The following PGM1 variants were observed in gnomAD, a reference collection of about 807,000 sequenced individuals.
PGM1 encodes phosphoglucomutase 1, also known as phosphoglucomutase-1.
Under a neutral mutation model 55.6 loss-of-function variants are expected in PGM1, and 52 were observed. The observed-to-expected ratio is 0.94, with a 90% CI of 0.75 to 1.18. The LOEUF is 1.18. Ranked by LOEUF, PGM1 falls within the 50% of genes most tolerant of loss-of-function variation. The probability of loss-of-function intolerance (pLI) is 0.00; values close to 1 mark genes in which losing one functional copy is unlikely to be tolerated. For missense variants in PGM1, 724 were observed against 729.3 expected (o/e 0.99, Z 0.08); for synonymous variants, 287 against 271.7 (o/e 1.06, Z -0.55).
chr1:63,648,345 A>G (rs779362749), intron 7 of PGM1, among the ~76,000 whole-genome samples, 172 bp from the exon 8 acceptor site: 2 of 152,132 alleles, frequency 1.3e-5, no homozygotes, highest in Non-Finnish European at 2.9e-5. Flanking sequence ...CTCACTTACT[A>G]TCACCAGAAC....
intron 1 of PGM1, among the ~76,000 whole-genome samples, chr1:63,621,504 A>G (rs1478186425): frequency 6.6e-6 from 1 of 152,248 alleles, no homozygotes. Context: ...CAAGACACAC[A>G]TGCCAGCCTA....
intron 8 of PGM1, among the ~76,000 whole-genome samples, chr1:63,649,893 G>GT (rs1347155686): frequency 6.6e-6 from 1 of 152,124 alleles, no homozygotes; most frequent in Non-Finnish European, 1.5e-5. Context: ...GGCCATGTCT[G>GT]TTTTTGTGCC....
chr1:63,653,494 A>G (rs1649875237), intron 9 of PGM1, among the ~76,000 whole-genome samples: 1 of 152,186 alleles, frequency 6.6e-6, no homozygotes, highest in East Asian at 1.9e-4. Flanking sequence ...GCAGGTGAAG[A>G]GCAGCATCTT....
intron 1 of PGM1, among the ~76,000 whole-genome samples, chr1:63,628,319 G>A (rs1649093458): frequency 6.6e-6 from 1 of 152,134 alleles, no homozygotes; most frequent in Admixed American, 6.5e-5. Context: ...AAATTGTTCG[G>A]AGATTGACAT....
rs191982400 is a variant in PGM1, at chr1:63,600,085, G to C, written c.246+6351G>C. On this transcript the variant is annotated intron_variant, in intron 1 of 10. Transcript: ENST00000371084. Reference sequence around the variant, plus strand: ...AATTATGTCTTGAAGAGCGGATAGTGTGCGATAGAAGATGGGGCTACCCTT... The same window carrying C: ...AATTATGTCTTGAAGAGCGGATAGTCTGCGATAGAAGATGGGGCTACCCTT... The C allele has an allele frequency of 4.6e-5, 7 of 152,324 alleles. No homozygotes were observed. The South Asian group carries it at 1.5e-3, about 32-fold the overall frequency. 9.4% of individuals were successfully genotyped at this position (152,324 alleles called of 1,614,324 possible).
chr1:63,605,043 G>T (rs1648379206), intron 1 of PGM1, among the ~76,000 whole-genome samples: 1 of 151,572 alleles, frequency 6.6e-6, no homozygotes, highest in African/African-American at 2.4e-5. Flanking sequence ...CATTGTCCTG[G>T]CTGGGAATGC....
At chr1:63,596,945 C>T (rs1648090634) in intron 1 of PGM1, among the ~76,000 whole-genome samples, 1 of 152,176 alleles carries the variant, frequency 6.6e-6, no homozygotes, top group Non-Finnish European at 1.5e-5. Context: ...TGATTTAAAG[C>T]CAGCATGTAG....
chr1:63,615,435 T>TTCATGTCC (rs1344618471), intron 1 of PGM1, among the ~76,000 whole-genome samples: 1 of 152,144 alleles, frequency 6.6e-6, no homozygotes, highest in Non-Finnish European at 1.5e-5. Flanking sequence ...GCCACCTTCT[T>TTCATGTCC]TCATGTCCTT....
rs75430713 is a variant in PGM1 at position 63,599,662 on chromosome 1, C to T, written c.246+5928C>T. ...AAACTTAATCTGGTGTGGTTTCGGG[C>T]GCCTGTGGTCTCGGCTACTTGAGAC... On this transcript the variant is annotated intron_variant, in intron 1 of 10. Transcript: ENST00000371084. 2.5e-3 allele frequency among the ~76,000 whole-genome samples: 382 copies of T among 152,146 alleles called. 2 individuals carry two copies. The highest frequency in any genetic ancestry group is 0.016 in the South Asian group (77 of 4,822).
intron 1 of PGM1, among the ~76,000 whole-genome samples, chr1:63,596,072 A>G (rs1159967209): frequency 6.6e-6 from 1 of 151,990 alleles, no homozygotes; most frequent in Non-Finnish European, 1.5e-5. Context: ...ACTCTGGTCT[A>G]ATCTTATTTG....
At chr1:63,602,501 A>G (rs74078290) in intron 1 of PGM1, among the ~76,000 whole-genome samples, 1,876 of 152,302 alleles carry the variant, frequency 0.012, 41 homozygotes, top group African/African-American at 0.043. Context: ...ATTCAGCCCA[A>G]TAAGTATTTT....
chr1:63,596,078 A>G (rs977093046), intron 1 of PGM1, among the ~76,000 whole-genome samples: 3 of 152,006 alleles, frequency 2.0e-5, no homozygotes, highest in Non-Finnish European at 4.4e-5. Flanking sequence ...GTCTAATCTT[A>G]TTTGGCCTTT....
At position 63,617,879 on chromosome 1, in the gene PGM1, G is replaced by GTT. The variant is rs145253461; in HGVS notation, c.247-11537_247-11536dup. ...GAAATTAGGTTTCTCAGTGTGTGTG[G>GTT]TTTTTTTTTTACAAACTCATTTAAT... On this transcript the variant is annotated intron_variant, in intron 1 of 10. Transcript: ENST00000371084. Among the ~76,000 whole-genome samples the GTT allele has an allele frequency of 5.5e-4, 81 of 147,774 alleles. 1 individual carries two copies. The East Asian group carries it at 7.7e-3, about 14-fold the overall frequency.
chr1:63,614,658 A>G (rs1648661920), intron 1 of PGM1, among the ~76,000 whole-genome samples: 1 of 152,146 alleles, frequency 6.6e-6, no homozygotes, highest in Non-Finnish European at 1.5e-5. Flanking sequence ...GGTTGGCTGA[A>G]TCAAATCTAT....
intron 1 of PGM1, among the ~76,000 whole-genome samples, chr1:63,619,974 T>C (rs1460515182): frequency 6.6e-6 from 1 of 152,218 alleles, no homozygotes; most frequent in Non-Finnish European, 1.5e-5. Flanking sequence ...GAGGTATTAT[T>C]TCATGAAGAA....
At chr1:63,639,123 C>T (rs1649446287) in intron 7 of PGM1, among the ~76,000 whole-genome samples, 1 of 152,084 alleles carries the variant, frequency 6.6e-6, no homozygotes. Flanking sequence ...GTCAAAGAAA[C>T]CTTTATAAAT....
At chr1:63,623,744 T>C (rs1648948450) in intron 1 of PGM1, 1 of 1,610,896 alleles carries the variant, frequency 6.2e-7, no homozygotes, top group South Asian at 1.1e-5. Flanking sequence ...ATAGTGCAGA[T>C]GGCAGCTGCC....
chr1:63,658,768 A>G (rs1393263280), intron 10 of PGM1, among the ~76,000 whole-genome samples: 3 of 148,896 alleles, frequency 2.0e-5, no homozygotes, highest in Non-Finnish European at 4.5e-5. Context: ...AAAAAAAAAA[A>G]GATTCCTGTA....
At chr1:63,606,497 C>T (rs183230425) in intron 1 of PGM1, among the ~76,000 whole-genome samples, 343 of 152,228 alleles carry the variant, frequency 2.3e-3, no homozygotes, top group African/African-American at 7.8e-3. Flanking sequence ...TATCTAGGTC[C>T]GGGATGGCTG....
Sources: allele counts gnomAD v4.1 joint callset (sites outside exome capture counted in the v4.1 genomes callset), GRCh38; gene constraint gnomAD v4.1.1; transcripts MANE v1.5; gene names NCBI Gene and HGNC (gene_info 2026-07-23, HGNC 2026-07-21).